Variants in IL1RL2 observed in about 807,000 individuals in gnomAD.
The protein encoded by IL1RL2 is interleukin-1 receptor-like 2.
A neutral mutation model predicts 66.8 loss-of-function variants in IL1RL2; 68 were observed. The ratio of observed to expected loss-of-function variants is 1.02; its 90% CI spans 0.84 to 1.25. IL1RL2 has a LOEUF of 1.25. Among genes scored for constraint, IL1RL2 ranks in the 50% most tolerant of loss-of-function variants. The probability of loss-of-function intolerance (pLI) is 0.00; values close to 1 mark genes in which losing one functional copy is unlikely to be tolerated. For missense variants in IL1RL2, 729 were observed against 709.3 expected, an observed-to-expected ratio of 1.03 and a Z score of -0.32; for synonymous variants, 305 against 264.6, an observed-to-expected ratio of 1.15 and a Z score of -1.48.
At chr2:102,218,338 T>G (rs1302787369) in intron 6 of IL1RL2, among the ~76,000 whole-genome samples, 1 of 152,214 alleles carries the variant, frequency 6.6e-6, no homozygotes, top group Non-Finnish European at 1.5e-5. Context: ...TGTTAGAATT[T>G]ACTAAGCTCA....
At chr2:102,235,414 G>T in intron 11 of IL1RL2, 137 bp downstream of exon 11, 2 of 1,455,960 alleles carry the variant, frequency 1.4e-6, no homozygotes, top group Non-Finnish European at 1.8e-6. Context: ...CTAGTGAGAG[G>T]ATCTGTTGTG....
At position 102,201,543 on chromosome 2, in the gene IL1RL2, T is replaced by G; in HGVS notation, c.490-13T>G. The stretch of plus-strand genomic sequence containing the variant: ...GTATTCATTGAATTGAATTTTGTTT[T>G]TATTTGTATTAGGACTGTAACGAGA... On this transcript the variant is annotated splice_polypyrimidine_tract_variant and intron_variant, in intron 4 of 11. Coordinates refer to ENST00000264257, the MANE Select transcript of IL1RL2 (RefSeq NM_003854.4). 6.2e-7 allele frequency: 1 copy of G among 1,612,620 alleles called. No individual in the cohort carries two copies.
At chr2:102,228,566 C>A (rs757226593) in intron 9 of IL1RL2, among the ~76,000 whole-genome samples, 1 of 152,114 alleles carries the variant, frequency 6.6e-6, no homozygotes, top group Admixed American at 6.5e-5. Context: ...GGTCTGTGCA[C>A]GGATCTCCTA....
intron 9 of IL1RL2, among the ~76,000 whole-genome samples, chr2:102,227,187 C>G (rs1246442058): frequency 6.6e-6 from 1 of 152,118 alleles, no homozygotes; most frequent in Non-Finnish European, 1.5e-5. Flanking sequence ...AAAAAGAAGC[C>G]TGGTGCAGCT....
chr2:102,202,449 T>C (rs146323186), intron 5 of IL1RL2, among the ~76,000 whole-genome samples: 1 of 151,728 alleles, frequency 6.6e-6, no homozygotes, highest in Non-Finnish European at 1.5e-5. Context: ...TATTACATAA[T>C]ATGTGTATAT....
At chr2:102,231,746 A>T (rs1200750029) in intron 9 of IL1RL2, among the ~76,000 whole-genome samples, 1 of 152,228 alleles carries the variant, frequency 6.6e-6, no homozygotes, top group Non-Finnish European at 1.5e-5. Context: ...GAGGTTGCTC[A>T]ATAAATACTG....
intron 6 of IL1RL2, among the ~76,000 whole-genome samples, chr2:102,216,099 A>G (rs1035315111): frequency 1.3e-5 from 2 of 152,236 alleles, no homozygotes; most frequent in Non-Finnish European, 2.9e-5. Context: ...ATCTTAAGGA[A>G]ACCCAGCTAG....
Position 102,219,090 on chromosome 2 carries a change from T to A in IL1RL2, c.854+8T>A, listed in dbSNP as rs1277862682. 2.5e-6 allele frequency: 4 copies of A among 1,613,642 alleles called. No homozygotes were observed. Among genetic ancestry groups the A allele is most frequent in the Non-Finnish European group, 3.4e-6 (4 of 1,179,672 alleles). On this transcript the variant is annotated splice_region_variant and intron_variant, in intron 7 of 11. Transcript: ENST00000264257. ...AATCAGAGAAGGGGTGGAGTAGGTG[T>A]TTTGCTTTTTTGACTTCTCTAAACG...
Position 102,195,609 on chromosome 2 carries a change from CTTTCTTTCTTTCTTTCTT to C in IL1RL2, c.489+3491_489+3508del, listed in dbSNP as rs1559530066. Among the ~76,000 whole-genome samples the C allele has an allele frequency of 9.7e-3, 173 of 17,910 alleles. 1 individual carries two copies. The highest frequency in any genetic ancestry group is 0.068 in the Middle Eastern group (3 of 44). 11.7% of individuals were successfully genotyped at this position (17,910 alleles called of 152,430 possible). ...TCTTTCTTTCTTTCTTTCTTTCTTT[CTTTCTTTCTTTCTTTCTT>C]TCTCTCTCTCTCTCTCTCTCTTTCT... On this transcript the variant is annotated intron_variant, in intron 4 of 11. Transcript: ENST00000264257.
At chr2:102,230,108 G>C (rs901514773) in intron 9 of IL1RL2, among the ~76,000 whole-genome samples, 1 of 152,222 alleles carries the variant, frequency 6.6e-6, no homozygotes, top group African/African-American at 2.4e-5. Context: ...ATTTACCAGA[G>C]AGGTTATTCT....
intron 6 of IL1RL2, among the ~76,000 whole-genome samples, chr2:102,217,593 A>G (rs978600688): frequency 6.6e-6 from 1 of 152,168 alleles, no homozygotes; most frequent in Non-Finnish European, 1.5e-5. Context: ...CACATAGATC[A>G]ATGGAGCAGA....
chr2:102,221,779 G>A (rs1043725112), intron 8 of IL1RL2, among the ~76,000 whole-genome samples: 4 of 152,224 alleles, frequency 2.6e-5, no homozygotes, highest in African/African-American at 7.2e-5. Flanking sequence ...TCTGGGAAAT[G>A]AGGAGGATAG....
Position 102,225,884 on chromosome 2 carries a change from G to T in IL1RL2, c.992-14G>T, listed in dbSNP as rs1434452661. The T allele has an allele frequency of 3.3e-6, 5 of 1,510,140 alleles. No individual in the cohort carries two copies. Among genetic ancestry groups the T allele is most frequent in the Admixed American group, 2.3e-5 (1 of 43,956 alleles). 93.5% of individuals were successfully genotyped at this position (1,510,140 alleles called of 1,614,324 possible). A position where few individuals can be genotyped will look rare whatever the true frequency, so the allele number is the denominator to read the frequency against. On this transcript the variant is annotated splice_polypyrimidine_tract_variant and intron_variant, in intron 8 of 11. Transcript: ENST00000264257. ...TAATTATAATTATTATTATTTTTTT[G>T]CTGTCATTTGTAGCTCCGGATTTTC...
At chr2:102,198,200 T>G (rs1340595183) in intron 4 of IL1RL2, among the ~76,000 whole-genome samples, 1 of 152,188 alleles carries the variant, frequency 6.6e-6, no homozygotes, top group Non-Finnish European at 1.5e-5. Context: ...AATAAAGGAA[T>G]GAATGAGCTG....
Position 102,233,108 on chromosome 2 carries a change from T to C in IL1RL2, c.1281T>C (p.Asp427=). 1.2e-6 allele frequency: 2 copies of C among 1,612,318 alleles called. No individual in the cohort carries two copies. The highest frequency in any genetic ancestry group is 1.7e-6 in the Non-Finnish European group (2 of 1,178,574). Residue 427 remains aspartate, a synonymous_variant, in exon 10 of 12, where the codon GAT becomes GAC. Coordinates refer to ENST00000264257, the MANE Select transcript of IL1RL2 (RefSeq NM_003854.4). ...CGYKLFIFGR[D]EFPGQAVANV... is the part of the protein sequence containing the mutation. ...ATAAGTTGTTTATATTCGGCAGAGA[T>C]GAATTCCCTGGACAAGGTGGGTTTT...
At chr2:102,231,154 T>G (rs1289341276) in intron 9 of IL1RL2, among the ~76,000 whole-genome samples, 1 of 152,244 alleles carries the variant, frequency 6.6e-6, no homozygotes, top group African/African-American at 2.4e-5. Flanking sequence ...GCTGAAGTCC[T>G]TATTCATTCA....
chr2:102,204,350 T>C (rs529001917), intron 5 of IL1RL2, among the ~76,000 whole-genome samples: 1 of 152,264 alleles, frequency 6.6e-6, no homozygotes, highest in South Asian at 2.1e-4. Context: ...AGAATATGTA[T>C]TCTACAGCCA....
At chr2:102,236,748 C>T (rs13017475) in intron 11 of IL1RL2, among the ~76,000 whole-genome samples, 7,715 of 152,244 alleles carry the variant, frequency 0.051, 216 homozygotes, top group Middle Eastern at 0.15. Context: ...TTCCCATTGC[C>T]TTCCCATTGC....
downstream of IL1RL2, among the ~76,000 whole-genome samples, chr2:102,240,935 G>A (rs1012778973): frequency 6.6e-6 from 1 of 152,264 alleles, no homozygotes; most frequent in African/African-American, 2.4e-5. Flanking sequence ...TTGAGACACA[G>A]GACAAACAAG....
Sources: allele counts gnomAD v4.1 joint callset (sites outside exome capture counted in the v4.1 genomes callset), GRCh38; gene constraint gnomAD v4.1.1; transcripts MANE v1.5; gene names NCBI Gene and HGNC (gene_info 2026-07-23, HGNC 2026-07-21).